Variants in ITPR1 observed in about 807,000 individuals in gnomAD.
ITPR1 encodes the protein inositol 1,4,5-trisphosphate receptor type 1.
In ITPR1, 96 loss-of-function variants were observed where a neutral mutation model predicts 318.4. The ratio of observed to expected loss-of-function variants is 0.30; its 90% confidence interval spans 0.26 to 0.36. The LOEUF is 0.36. Ranked by LOEUF, ITPR1 falls within the 10% of genes least tolerant of loss-of-function variation. ITPR1 has a pLI of 1.00. For synonymous variants in ITPR1, 1,312 were observed against 1,289.9 expected (o/e 1.02, Z -0.37); for missense variants, 2,440 against 3,460.2 (o/e 0.71, Z 7.40).
At chr3:4,568,823 A>T (rs56359217) in intron 4 of ITPR1, among the ~76,000 whole-genome samples, 17,233 of 152,164 alleles carry the variant, frequency 0.11, 1,100 homozygotes, top group African/African-American at 0.16. Context: ...AAGAAATACC[A>T]CTGAGACTGG....
Position 4,800,970 on chromosome 3 carries a change from G to A in ITPR1, c.7107+370G>A, listed in dbSNP as rs191842602. 1.9e-3 allele frequency among the ~76,000 whole-genome samples: 292 copies of A among 152,266 alleles called. 2 individuals are homozygous for A. Among genetic ancestry groups the A allele is most frequent in the Non-Finnish European group, 2.7e-3 (183 of 68,028 alleles). The stretch of plus-strand genomic sequence containing the variant: ...AGTGAAATGATCAAATATTAACACC[G>A]TACCCACTTCTGGAAAGGGCCACAT... On this transcript the variant is annotated intron_variant, in intron 54 of 61. Transcript: ENST00000649015.
chr3:4,825,882 A>G (rs1559963883), intron 60 of ITPR1: 4 of 443,422 alleles, frequency 9.0e-6, no homozygotes, highest in Middle Eastern at 3.3e-4. Flanking sequence ...ATGATTAGAT[A>G]AGAGTAAGGA....
chr3:4,560,433 T>C (rs2086560297), intron 4 of ITPR1, among the ~76,000 whole-genome samples: 1 of 152,220 alleles, frequency 6.6e-6, no homozygotes, highest in African/African-American at 2.4e-5. Context: ...ATGCTCAATG[T>C]TGATATCAAC....
intron 44 of ITPR1, among the ~76,000 whole-genome samples, chr3:4,745,443 C>T (rs1447241788): frequency 6.6e-6 from 1 of 152,212 alleles, no homozygotes; most frequent in African/African-American, 2.4e-5. Context: ...CTCTGACCGT[C>T]CTACCCCAAA....
At chr3:4,578,463 G>A (rs1346012251) in intron 4 of ITPR1, among the ~76,000 whole-genome samples, 1 of 151,934 alleles carries the variant, frequency 6.6e-6, no homozygotes, top group Non-Finnish European at 1.5e-5. Context: ...AAGTTGCTTT[G>A]CCAGTGAGAA....
At position 4,796,475 on chromosome 3, in the gene ITPR1, G is replaced by A. The variant is rs146192486; in HGVS notation, c.6931+1288G>A. On this transcript the variant is annotated intron_variant, in intron 53 of 61. Transcript: ENST00000649015. The stretch of plus-strand genomic sequence containing the variant: ...AGTGAGGAGCTCAGCTGGCGGCGGC[G>A]GAGGAGGCCCAGGTCTCCTTTCGCC... Among the ~76,000 whole-genome samples, 463 of 152,294 alleles carry A rather than the reference G, an allele frequency of 3.0e-3. 3 individuals carry two copies. The highest frequency in any genetic ancestry group is 4.9e-3 in the Non-Finnish European group (336 of 68,028).
At chr3:4,506,643 G>C (rs2081415514) in intron 2 of ITPR1, among the ~76,000 whole-genome samples, 1 of 152,124 alleles carries the variant, frequency 6.6e-6, no homozygotes, top group Admixed American at 6.5e-5. Flanking sequence ...TGTATCCCCA[G>C]TACCTAGTAT....
At chr3:4,837,088 A>C in intron 61 of ITPR1, 153 bp downstream of exon 61, 1 of 558,832 alleles carries the variant, frequency 1.8e-6, no homozygotes, top group Non-Finnish European at 2.9e-6. Flanking sequence ...TCACTCCTCC[A>C]GTCTCCTCAC....
In ITPR1 at chr3:4,815,015, AAGGGACCCAGACTGATCCAG is replaced by A. The variant is rs746967741; in HGVS notation, c.7702-36_7702-17del. On this transcript the variant is annotated intron_variant, in intron 58 of 61. Transcript: ENST00000649015. Reference sequence around the variant, plus strand: ...CAGGCTCCGCAGACCAAAGGGTCGCAAGGGACCCAGACTGATCCAGACACCTCTCTTTTCCAGGAACCCCT... The same window carrying A: ...CAGGCTCCGCAGACCAAAGGGTCGCAACACCTCTCTTTTCCAGGAACCCCT... The A allele has an allele frequency of 3.3e-4, 513 of 1,549,308 alleles. No homozygotes were observed. Among genetic ancestry groups the A allele is most frequent in the Non-Finnish European group, 8.3e-5 (95 of 1,141,640 alleles).
intron 4 of ITPR1, among the ~76,000 whole-genome samples, chr3:4,546,877 C>G (rs1229275327): frequency 7.1e-6 from 1 of 140,184 alleles, no homozygotes; most frequent in African/African-American, 2.7e-5. Context: ...TAAGATAGGA[C>G]CAGGGGAAGA....
intron 4 of ITPR1, among the ~76,000 whole-genome samples, chr3:4,554,750 T>C (rs556970143): frequency 1.8e-4 from 28 of 152,296 alleles, no homozygotes; most frequent in African/African-American, 6.3e-4. Flanking sequence ...GGGTGGAGGA[T>C]GACAACCTGC....
intron 10 of ITPR1, 86 bp downstream of exon 10, chr3:4,645,814 T>TA: frequency 8.0e-7 from 1 of 1,248,044 alleles, no homozygotes; most frequent in Middle Eastern, 2.0e-4. Context: ...CTACAAATAT[T>TA]CATACATACA....
intron 24 of ITPR1, among the ~76,000 whole-genome samples, chr3:4,679,478 C>T (rs553762737): frequency 6.6e-6 from 1 of 152,246 alleles, no homozygotes; most frequent in East Asian, 1.9e-4. Context: ...GAACCTGGAG[C>T]TCTGATGGGC....
At chr3:4,713,798 A>G (rs2125286458) in intron 39 of ITPR1, among the ~76,000 whole-genome samples, 1 of 152,326 alleles carries the variant, frequency 6.6e-6, no homozygotes, top group Non-Finnish European at 1.5e-5. Context: ...CTAAGCAGAG[A>G]GGCTTGGAGA....
chr3:4,717,118 G>C (rs570102387), intron 39 of ITPR1, among the ~76,000 whole-genome samples: 1 of 152,314 alleles, frequency 6.6e-6, no homozygotes, highest in South Asian at 2.1e-4. Flanking sequence ...ATGTGGTTAA[G>C]TGACCTGCGA....
chr3:4,562,459 TAGTG>T (rs1459997115), intron 4 of ITPR1, among the ~76,000 whole-genome samples: 7 of 152,304 alleles, frequency 4.6e-5, no homozygotes, highest in South Asian at 4.1e-4. Flanking sequence ...TGCAAAAAGA[TAGTG>T]AGTGAAGCAG....
intron 54 of ITPR1, 100 bp downstream of exon 54, chr3:4,800,700 A>G: frequency 8.0e-7 from 1 of 1,246,872 alleles, no homozygotes. Context: ...TTCAGTCCAG[A>G]AAATTATTGT....
At chr3:4,687,405 A>G (rs1397819483) in intron 30 of ITPR1, among the ~76,000 whole-genome samples, 8 of 152,088 alleles carry the variant, frequency 5.3e-5, no homozygotes, top group Non-Finnish European at 1.0e-4. Context: ...CTTTTCACGG[A>G]TGAGTAAACA....
At chr3:4,776,931 G>A (rs919533105) in intron 47 of ITPR1, among the ~76,000 whole-genome samples, 1 of 152,178 alleles carries the variant, frequency 6.6e-6, no homozygotes, top group Admixed American at 6.5e-5. Context: ...CACCTTGAAA[G>A]GGGAAAAAGG....
Sources: gnomAD v4.1 joint callset for allele counts (sites outside exome capture counted in the v4.1 genomes callset) on GRCh38, gnomAD v4.1.1 for gene constraint, MANE v1.5 for transcripts, NCBI Gene and HGNC (gene_info 2026-07-23, HGNC 2026-07-21) for gene names.